STKLD1: variants seen among roughly 807,000 people sequenced by gnomAD.
STKLD1 encodes serine/threonine kinase like domain containing 1.
STKLD1 carries 79 observed loss-of-function variants against 80.4 expected under a neutral mutation model. That is an observed-to-expected ratio of 0.98 (90% CI 0.82 to 1.19). The LOEUF (loss-of-function observed/expected upper bound fraction) is 1.19, where lower values mean the gene tolerates loss of function less well. Among genes scored for constraint, STKLD1 ranks in the 50% most tolerant of loss-of-function variants. The probability of loss-of-function intolerance (pLI) is 0.00; values close to 1 mark genes in which losing one functional copy is unlikely to be tolerated. For missense variants in STKLD1, 841 were observed against 856.0 expected, an observed-to-expected ratio of 0.98 and a Z score of 0.22; for synonymous variants, 393 against 357.6, an observed-to-expected ratio of 1.10 and a Z score of -1.12.
chr9:133,388,040 A>G (rs184416124), intron 5 of STKLD1, among the ~76,000 whole-genome samples: 11 of 152,296 alleles, frequency 7.2e-5, no homozygotes, highest in Middle Eastern at 3.4e-3. Flanking sequence ...TATTGTGAAT[A>G]AGGCTGCTAT....
In STKLD1 at chr9:133,403,847, C is replaced by T. The variant is rs59462150; in HGVS notation, c.1603+19C>T. On this transcript the variant is annotated intron_variant, in intron 15 of 17. Coordinates refer to ENST00000371957, the MANE Select transcript of STKLD1 (RefSeq NM_153710.5). ...CTGCTGGGTGAGCTGGGTGGGCGCC[C>T]TGGGCCCCTGGGGCTGGGAGGGGTG... 1.5e-4 allele frequency: 246 copies of T among 1,612,598 alleles called. No individual in the cohort carries two copies. The African/African-American group carries it at 2.9e-3, about 19-fold the overall frequency.
At position 133,376,369 on chromosome 9, in the gene STKLD1, T is replaced by G; in HGVS notation, c.-105T>G. 7.1e-7 allele frequency: 1 copy of G among 1,401,660 alleles called. No homozygotes were observed. The highest frequency in any genetic ancestry group is 9.4e-7 in the Non-Finnish European group (1 of 1,068,366). The allele number at this position is 1,401,660 out of a possible 1,614,324, so 86.8% of individuals were successfully genotyped here. A position where few individuals can be genotyped will look rare whatever the true frequency, so the allele number is the denominator to read the frequency against. ...CCAGCGCGCGGGAGGGACGCCTGAG[T>G]GCCTCGAGGGCGCCGTTCGGGCGGG... On this transcript the variant is annotated 5_prime_UTR_variant, in exon 1 of 18. Coordinates refer to ENST00000371957, the MANE Select transcript of STKLD1 (RefSeq NM_153710.5).
chr9:133,378,024 A>G (rs1312549157), intron 1 of STKLD1, among the ~76,000 whole-genome samples: 3 of 152,164 alleles, frequency 2.0e-5, no homozygotes, highest in African/African-American at 7.2e-5. Flanking sequence ...TGAGAATCTA[A>G]TGCTGCTGCT....
At chr9:133,387,860 G>A (rs2130281135) in intron 5 of STKLD1, 1 of 507,270 alleles carries the variant, frequency 2.0e-6, no homozygotes, top group African/African-American at 1.9e-5. Context: ...GACTCGTCCG[G>A]CATGCTGCCA....
Position 133,383,904 on chromosome 9 carries a change from A to G in STKLD1, c.219+4A>G, listed in dbSNP as rs1326374651. On this transcript the variant is annotated splice_donor_region_variant and intron_variant, in intron 3 of 17. Coordinates refer to ENST00000371957, the MANE Select transcript of STKLD1 (RefSeq NM_153710.5). Reference sequence around the variant, plus strand: ...CGCCAGTCAGGCCCTGGAGGAGGTAACTCTCAGGGTAGTTTTCCCTCTGGA... The same window carrying G: ...CGCCAGTCAGGCCCTGGAGGAGGTAGCTCTCAGGGTAGTTTTCCCTCTGGA... The G allele has an allele frequency of 3.7e-6, 6 of 1,613,676 alleles. No homozygotes were observed. The highest frequency in any genetic ancestry group is 4.2e-6 in the Non-Finnish European group (5 of 1,179,842).
Position 133,403,946 on chromosome 9 carries a change from C to T in STKLD1, c.1630C>T (p.Gln544Ter). The change falls in exon 16 of 18, where the codon CAA (glutamine) becomes TAA (stop). Residue 544 changes from glutamine to a stop codon, truncating the protein, a stop_gained. Transcript: ENST00000371957. LOFTEE classifies it high-confidence loss of function. The part of the protein sequence containing the change: ...LGCIKEQQFE[Q>*]VVALLLQSIR... ...CTGCATCAAGGAGCAGCAGTTTGAA[C>T]AAGTGGTGGCGCTGCTCCTGCAAAG... is the stretch of plus-strand genomic sequence containing the variant. 1 of 1,608,804 alleles carries T rather than the reference C, an allele frequency of 6.2e-7. No individual in the cohort carries two copies. The highest frequency in any genetic ancestry group is 8.5e-7 in the Non-Finnish European group (1 of 1,177,270).
At position 133,402,986 on chromosome 9, in the gene STKLD1, G is replaced by A. The variant is rs782532262; in HGVS notation, c.1448G>A (p.Gly483Asp). Residue 483 changes from glycine to aspartate, a missense_variant, in exon 14 of 18, where the codon GGC becomes GAC. By Grantham distance (94) the Gly-to-Asp change is moderately conservative. Coordinates refer to ENST00000371957, the MANE Select transcript of STKLD1 (RefSeq NM_153710.5). ...ESRDVCASGL[G>D]LLWALLLDGI... ...AGGGACGTCTGCGCCAGCGGCCTGGGCCTGCTCTGGGCCCTCCTGCTGGAC... is the reference window on the plus strand; with the variant it reads ...AGGGACGTCTGCGCCAGCGGCCTGGACCTGCTCTGGGCCCTCCTGCTGGAC... The A allele has an allele frequency of 2.1e-5, 33 of 1,574,908 alleles. No individual in the cohort carries two copies. Among genetic ancestry groups the A allele is most frequent in the African/African-American group, 4.1e-5 (3 of 74,054 alleles).
At position 133,394,295 on chromosome 9, in the gene STKLD1, C is replaced by T. The variant is rs1472150242; in HGVS notation, c.588C>T (p.Pro196=). 5 of 1,612,670 alleles carry T rather than the reference C, an allele frequency of 3.1e-6. No individual in the cohort carries two copies. The Admixed American group carries it at 8.3e-5, about 27-fold the overall frequency. ...CCACCTTGCTTTTACCAACAGACCC[C>T]TTTCGTAAGTCCTGGATGGCCCCTG... ...AKWNIRAEED[P]FRKSWMAPEA... The change falls in exon 8 of 18, where the codon CCC becomes CCT. Residue 196 remains proline, a synonymous_variant. Coordinates refer to ENST00000371957, the MANE Select transcript of STKLD1 (RefSeq NM_153710.5). The surrounding 1 kb of genome is among the most constrained non-coding windows in gnomAD (Gnocchi z 4.9).
chr9:133,392,197 C>T (rs112381004), intron 7 of STKLD1, among the ~76,000 whole-genome samples: 2,340 of 152,098 alleles, frequency 0.015, 59 homozygotes, highest in African/African-American at 0.048. Context: ...CTGCCTCAGC[C>T]TCCCGAGTAG....
At chr9:133,396,364 G>A (rs1317737831) in intron 9 of STKLD1, among the ~76,000 whole-genome samples, 1 of 152,208 alleles carries the variant, frequency 6.6e-6, no homozygotes, top group Non-Finnish European at 1.5e-5. Flanking sequence ...GAGCCCGGGA[G>A]GCAGAGGTTG....
In STKLD1 at chr9:133,403,763, C is replaced by A; in HGVS notation, c.1538C>A (p.Thr513Asn). The A allele has an allele frequency of 1.9e-6, 3 of 1,613,820 alleles. No individual in the cohort carries two copies. Among genetic ancestry groups the A allele is most frequent in the Non-Finnish European group, 1.7e-6 (2 of 1,179,970 alleles). Residue 513 changes from threonine (T) to asparagine (N), a missense_variant, in exon 15 of 18, where the codon ACC (threonine) becomes AAC (asparagine). By Grantham distance (65) the Thr-to-Asn change is moderately conservative (BLOSUM62 0). Transcript: ENST00000371957. ...VPDLISQVLA[T>N]YPADGEMAEA... is the part of the protein sequence containing the mutation. Reference sequence around the variant, plus strand: ...GACCTCATCAGCCAGGTGTTGGCCACCTACCCTGCGGATGGGGAAATGGCA... The same window carrying A: ...GACCTCATCAGCCAGGTGTTGGCCAACTACCCTGCGGATGGGGAAATGGCA...
At chr9:133,387,341 G>T in intron 4 of STKLD1, 106 bp from the exon 5 acceptor site, 1 of 820,624 alleles carries the variant, frequency 1.2e-6, no homozygotes, top group Non-Finnish European at 2.0e-6. Flanking sequence ...GTGCTCCCAC[G>T]GCCACTGCAA....
intron 8 of STKLD1, among the ~76,000 whole-genome samples, chr9:133,395,130 C>T (rs1554776533): frequency 6.6e-6 from 1 of 152,200 alleles, no homozygotes; most frequent in Non-Finnish European, 1.5e-5. Flanking sequence ...CTGGCTGGAC[C>T]CAGGTTCCCC....
intron 14 of STKLD1, 95 bp downstream of exon 14, chr9:133,403,107 C>A: frequency 7.7e-7 from 1 of 1,305,032 alleles, no homozygotes; most frequent in Non-Finnish European, 1.0e-6. Context: ...ACCTCCATGT[C>A]CTGTCCCTAA....
At position 133,385,380 on chromosome 9, in the gene STKLD1, C is replaced by T. The variant is rs1838241046; in HGVS notation, c.220-237C>T. On this transcript the variant is annotated intron_variant, in intron 3 of 17. Coordinates refer to ENST00000371957, the MANE Select transcript of STKLD1 (RefSeq NM_153710.5). The surrounding 1 kb of genome is among the most constrained non-coding windows in gnomAD (Gnocchi z 4.9). The stretch of plus-strand genomic sequence containing the variant: ...GTGAGGCAGATTCCACTAGGACCCC[C>T]ATTTTCAGATGACTATATGAGGCCC... Among the ~76,000 whole-genome samples the T allele has an allele frequency of 6.6e-6, 1 of 152,178 alleles. No individual in the cohort carries two copies. Among genetic ancestry groups the T allele is most frequent in the Non-Finnish European group, 1.5e-5 (1 of 68,038 alleles).
In STKLD1 at chr9:133,389,052, C is replaced by T. The variant is rs1054780014; in HGVS notation, c.397-474C>T. 86 of 985,276 alleles carry T rather than the reference C, an allele frequency of 8.7e-5. No homozygotes were observed. The highest frequency in any genetic ancestry group is 1.4e-4 in the African/African-American group (8 of 57,216). 61.0% of individuals were successfully genotyped at this position (985,276 alleles called of 1,614,324 possible). On this transcript the variant is annotated intron_variant, in intron 5 of 17. Coordinates refer to ENST00000371957, the MANE Select transcript of STKLD1 (RefSeq NM_153710.5). This position sits in a 1 kb window ranked among gnomAD's most constrained non-coding sequence, Gnocchi z 6.4. Reference sequence around the variant, plus strand: ...CCTAGGAGCCCAGCTTTAGAATCACCGCGCTGGGTACTCGATGGAGCTTGT... The same window carrying T: ...CCTAGGAGCCCAGCTTTAGAATCACTGCGCTGGGTACTCGATGGAGCTTGT...
At chr9:133,392,689 A>G (rs1316615372) in intron 7 of STKLD1, among the ~76,000 whole-genome samples, 1,953 of 40,334 alleles carry the variant, frequency 0.048, 171 homozygotes, top group Non-Finnish European at 0.061. Context: ...ATGGGTGAGT[A>G]GGTGAGTGGA....
chr9:133,387,827 G>A (rs192439383), intron 5 of STKLD1: 3 of 562,818 alleles, frequency 5.3e-6, no homozygotes, highest in East Asian at 4.1e-5. Context: ...TTGTTCTGCC[G>A]GTCCCTGAAG....
chr9:133,383,297 ATGGTGGTAATGG>A (rs1838187033), intron 2 of STKLD1, among the ~76,000 whole-genome samples: 6 of 3,150 alleles, frequency 1.9e-3, no homozygotes, highest in East Asian at 9.6e-3. Context: ...TGATGATGTG[ATGGTGGTAATGG>A]TGGTGGTGTG....
Sources: gnomAD v4.1 joint callset for allele counts (sites outside exome capture counted in the v4.1 genomes callset) on GRCh38, gnomAD v4.1.1 for gene constraint, Gnocchi (gnomAD v3.1) non-coding constraint, MANE v1.5 for transcripts, NCBI Gene and HGNC (gene_info 2026-07-23, HGNC 2026-07-21) for gene names.